The following SLC12A2 variants were observed in gnomAD, a reference collection of about 807,000 sequenced individuals.
SLC12A2 encodes Na-K-2Cl cotransporter 1.
SLC12A2 carries 67 observed loss-of-function variants against 136.3 expected under a neutral mutation model. The observed-to-expected ratio is 0.49, with a 90% confidence interval of 0.40 to 0.60. The LOEUF is 0.60. Ranked by LOEUF, SLC12A2 falls within the 20% of genes least tolerant of loss-of-function variation. The probability of loss-of-function intolerance (pLI) is 0.00; values close to 1 mark genes in which losing one functional copy is unlikely to be tolerated. For synonymous variants in SLC12A2, 619 were observed against 562.9 expected, an observed-to-expected ratio of 1.10 and a Z score of -1.41; for missense variants, 1,322 against 1,534.7, an observed-to-expected ratio of 0.86 and a Z score of 2.32.
At chr5:128,126,966 A>ATATAATTT in intron 4 of SLC12A2, among the ~76,000 whole-genome samples, 10 of 21,160 alleles carry the variant, frequency 4.7e-4, no homozygotes, top group African/African-American at 2.5e-3. Flanking sequence ...ATATATATAT[A>ATATAATTT]TTTTTTTTTT....
chr5:128,115,833 A>G (rs769195061), intron 4 of SLC12A2, among the ~76,000 whole-genome samples: 1 of 152,144 alleles, frequency 6.6e-6, no homozygotes, highest in Non-Finnish European at 1.5e-5. Flanking sequence ...TGAGCTTTTC[A>G]TTTTTCACCA....
chr5:128,145,657 C>T (rs1380561830), intron 10 of SLC12A2, among the ~76,000 whole-genome samples: 1 of 152,006 alleles, frequency 6.6e-6, no homozygotes, highest in Non-Finnish European at 1.5e-5. Flanking sequence ...CATATTTAAC[C>T]TTAAATCTAA....
At chr5:128,133,117 TTCAACGA>T (rs1372702239) in intron 5 of SLC12A2, among the ~76,000 whole-genome samples, 2 of 151,976 alleles carry the variant, frequency 1.3e-5, no homozygotes, top group Non-Finnish European at 2.9e-5. Flanking sequence ...TATAGGGAAT[TTCAACGA>T]TCAGATTAAT....
intron 1 of SLC12A2, among the ~76,000 whole-genome samples, chr5:128,107,538 C>G (rs1205735996): frequency 6.6e-6 from 1 of 152,126 alleles, no homozygotes; most frequent in African/African-American, 2.4e-5. Context: ...TGAGAACATG[C>G]AGTGTTTGGT....
intron 26 of SLC12A2, 83 bp from the exon 27 acceptor site, chr5:128,186,413 T>C: frequency 7.5e-7 from 1 of 1,324,656 alleles, no homozygotes. Flanking sequence ...TATTGTAATC[T>C]ACTTTATAAT....
intron 9 of SLC12A2, among the ~76,000 whole-genome samples, chr5:128,139,292 A>G (rs888814683): frequency 2.6e-5 from 4 of 151,716 alleles, no homozygotes; most frequent in East Asian, 1.9e-4. Flanking sequence ...TTTACAGTAT[A>G]TGAAGATTCT....
intron 1 of SLC12A2, among the ~76,000 whole-genome samples, chr5:128,086,326 T>C (rs1760098084): frequency 6.6e-6 from 1 of 152,208 alleles, no homozygotes; most frequent in South Asian, 2.1e-4. Flanking sequence ...TTTGCTTGGC[T>C]TTTTGGTTCA....
Position 128,171,741 on chromosome 5 carries a change from G to T in SLC12A2, c.2798G>T (p.Gly933Val). 6.4e-7 allele frequency: 1 copy of T among 1,563,294 alleles called. No homozygotes were observed. The highest frequency in any genetic ancestry group is 8.6e-7 in the Non-Finnish European group (1 of 1,157,930). ...KEGLDISHLQ[G>V]QEELLSSQEK... Reference sequence around the variant, plus strand: ...GGTCTGGATATATCTCATCTTCAAGGACAAGGTAAATTTTGTTGGCAATAA... The same window carrying T: ...GGTCTGGATATATCTCATCTTCAAGTACAAGGTAAATTTTGTTGGCAATAA... The change falls in exon 19 of 27, where the codon GGA (glycine) becomes GTA (valine). Residue 933 changes from glycine to valine, a missense_variant. Physicochemically the swap from Gly to Val is moderately radical, Grantham distance 109 (BLOSUM62 -3). Around this residue, in one of 8 missense-constraint regions of SLC12A2, gnomAD observed 226 missense variants for 210.4 expected, o/e 1.07. Transcript: ENST00000262461.
At chr5:128,181,195 T>C (rs1349647008) in intron 23 of SLC12A2, among the ~76,000 whole-genome samples, 1 of 152,234 alleles carries the variant, frequency 6.6e-6, no homozygotes, top group Admixed American at 6.5e-5. Flanking sequence ...TACTTAGATA[T>C]AATTTTTTTT....
chr5:128,151,406 CT>C lies in SLC12A2; in HGVS notation c.2263+16del. ...ACCTACAAAAAACCAGGTCAGTAGC[CT>C]TTTTTGTTTATATCCCAAGCTAGAA... On this transcript the variant is annotated intron_variant, in intron 14 of 26. Coordinates refer to ENST00000262461, the MANE Select transcript of SLC12A2 (RefSeq NM_001046.3). 3.7e-6 allele frequency: 6 copies of C among 1,602,844 alleles called. No individual in the cohort carries two copies. Among genetic ancestry groups the C allele is most frequent in the East Asian group, 2.3e-5 (1 of 44,346 alleles).
At chr5:128,156,449 C>T (rs1311667748) in intron 15 of SLC12A2, among the ~76,000 whole-genome samples, 1 of 152,158 alleles carries the variant, frequency 6.6e-6, no homozygotes, top group Non-Finnish European at 1.5e-5. Context: ...TACTCAAAGT[C>T]ATCCCTAATA....
At chr5:128,149,203 A>C (rs1484903370) in intron 12 of SLC12A2, among the ~76,000 whole-genome samples, 1 of 151,826 alleles carries the variant, frequency 6.6e-6, no homozygotes, top group Non-Finnish European at 1.5e-5. Flanking sequence ...CTCTGATCAT[A>C]AGTGAGCTCT....
intron 16 of SLC12A2, among the ~76,000 whole-genome samples, chr5:128,161,341 T>A (rs1412925017): frequency 6.6e-6 from 1 of 152,186 alleles, no homozygotes; most frequent in Non-Finnish European, 1.5e-5. Context: ...AAGGTGGTTA[T>A]TTTACTCTGT....
chr5:128,184,074 A>G (rs1379040936), intron 24 of SLC12A2, among the ~76,000 whole-genome samples: 2 of 152,042 alleles, frequency 1.3e-5, no homozygotes, highest in East Asian at 1.9e-4. Flanking sequence ...CATTTCCATT[A>G]GACATCGTAT....
At chr5:128,184,940 A>G (rs980945467) in intron 26 of SLC12A2, 84 bp downstream of exon 26, 8 of 1,161,124 alleles carry the variant, frequency 6.9e-6, no homozygotes, top group Admixed American at 1.8e-5. Flanking sequence ...ACATATCTAT[A>G]TAACACCCAT....
Position 128,117,362 on chromosome 5 carries a change from A to T in SLC12A2, c.1048+2681A>T, listed in dbSNP as rs556097278. Among the ~76,000 whole-genome samples, 3 of 152,356 alleles carry T rather than the reference A, an allele frequency of 2.0e-5. No individual in the cohort carries two copies. In the East Asian group the frequency reaches 5.8e-4, roughly 29 times the overall value. ...AATATGGATGTAAATCCATAAGTTA[A>T]CAATGAAACAAACCAAAAAATCTCA... On this transcript the variant is annotated intron_variant, in intron 4 of 26. Transcript: ENST00000262461.
chr5:128,102,227 TA>T (rs916385168), intron 1 of SLC12A2, among the ~76,000 whole-genome samples: 3 of 151,774 alleles, frequency 2.0e-5, no homozygotes, highest in Non-Finnish European at 2.9e-5. Flanking sequence ...TTGTGGAATC[TA>T]AAAAAAACAT....
chr5:128,148,934 G>A (rs892441111), intron 12 of SLC12A2, 57 bp downstream of exon 12: 75 of 1,358,488 alleles, frequency 5.5e-5, no homozygotes, highest in Admixed American at 7.5e-5. Context: ...AGTTCTAGAC[G>A]TTGAATTATT....
In SLC12A2 at chr5:128,178,709, T is replaced by A. The variant is rs776147551; in HGVS notation, c.3100+20T>A. 38 of 1,518,138 alleles carry A rather than the reference T, an allele frequency of 2.5e-5. No homozygotes were observed. Among genetic ancestry groups the A allele is most frequent in the Admixed American group, 1.1e-4 (5 of 45,530 alleles). The allele number at this position is 1,518,138 out of a possible 1,614,324, so 94.0% of individuals were successfully genotyped here. Reference sequence around the variant, plus strand: ...ATGGAGGTAAGGTTGTTAATTTTTTTAAAATGATTTTAAATTTACTGACAT... The same window carrying A: ...ATGGAGGTAAGGTTGTTAATTTTTTAAAAATGATTTTAAATTTACTGACAT... On this transcript the variant is annotated intron_variant, in intron 22 of 26. Transcript: ENST00000262461.
Sources: allele counts gnomAD v4.1 joint callset (sites outside exome capture counted in the v4.1 genomes callset), GRCh38; gene constraint gnomAD v4.1.1; regional missense constraint gnomAD v4.1.1; transcripts MANE v1.5; gene names NCBI Gene and HGNC (gene_info 2026-07-23, HGNC 2026-07-21).